The following ATG7 variants were observed in gnomAD, a reference collection of about 807,000 sequenced individuals.
ATG7 encodes autophagy related 7, also known as ubiquitin-like modifier-activating enzyme ATG7.
Under a neutral mutation model 82.4 loss-of-function variants are expected in ATG7, and 70 were observed. The observed-to-expected ratio is 0.85, with a 90% confidence interval of 0.70 to 1.04. The LOEUF is 1.04. Among genes scored for constraint, ATG7 ranks in the 50% least tolerant of loss-of-function variants. The pLI is 0.00. For missense variants in ATG7, 792 were observed against 864.3 expected, an observed-to-expected ratio of 0.92 and a Z score of 1.05; for synonymous variants, 287 against 313.0, an observed-to-expected ratio of 0.92 and a Z score of 0.88.
At chr3:11,286,583 C>CTTT (rs5846700) in intron 3 of ATG7, among the ~76,000 whole-genome samples, 23 of 66,960 alleles carry the variant, frequency 3.4e-4, no homozygotes, top group African/African-American at 1.0e-3. Context: ...TTCTTTCTTT[C>CTTT]TTTTTTTTTT....
At chr3:11,548,593 A>G (rs1029150923) in intron 20 of ATG7, among the ~76,000 whole-genome samples, 1 of 152,250 alleles carries the variant, frequency 6.6e-6, no homozygotes, top group Admixed American at 6.5e-5. Context: ...GCAAAATTAA[A>G]AACCTTTTTT....
At chr3:11,467,728 G>A (rs1056065188) in intron 20 of ATG7, among the ~76,000 whole-genome samples, 5 of 151,966 alleles carry the variant, frequency 3.3e-5, no homozygotes, top group Non-Finnish European at 5.9e-5. Context: ...TCACCGTTTG[G>A]CATTATTATT....
chr3:11,399,729 C>G (rs980480249), intron 19 of ATG7, among the ~76,000 whole-genome samples: 4 of 152,186 alleles, frequency 2.6e-5, no homozygotes, highest in African/African-American at 9.6e-5. Flanking sequence ...CATAAGCCAC[C>G]ATGCCCAGCT....
chr3:11,342,135 G>T lies in ATG7; in HGVS notation c.981G>T (p.Arg327Ser). Reference protein sequence around the residue: ...VNLSECMDPKRLAESSVDLNL... With the variant: ...VNLSECMDPKSLAESSVDLNL... ...AATAAGTAAATCTCTCCTTTTCTAG[G>T]TTAGCTGAGTCATCAGTGGATCTAA... Residue 327 changes from arginine (R) to serine (S), a missense_variant and splice_region_variant, in exon 13 of 21, where the codon AGG (arginine) becomes AGT (serine). Transcript: ENST00000693202. 6.2e-7 allele frequency: 1 copy of T among 1,610,646 alleles called. No homozygotes were observed. The highest frequency in any genetic ancestry group is 2.2e-5 in the East Asian group (1 of 44,718).
intron 19 of ATG7, among the ~76,000 whole-genome samples, chr3:11,383,875 T>C (rs2078113550): frequency 6.8e-6 from 1 of 147,016 alleles, no homozygotes; most frequent in African/African-American, 2.5e-5. Flanking sequence ...GCATAGTTCT[T>C]TTTTTCCTAG....
intron 3 of ATG7, among the ~76,000 whole-genome samples, chr3:11,291,752 A>G (rs1458050355): frequency 6.6e-6 from 1 of 152,230 alleles, no homozygotes; most frequent in Non-Finnish European, 1.5e-5. Flanking sequence ...ATCTGTCACC[A>G]TTGAGAAGGG....
Position 11,556,718 on chromosome 3 carries a change from A to C in ATG7, c.*1875A>C, listed in dbSNP as rs2072453565. 6.5e-6 allele frequency: 1 copy of C among 152,920 alleles called. No homozygotes were observed. The highest frequency in any genetic ancestry group is 2.1e-4 in the South Asian group (1 of 4,832). 9.5% of individuals were successfully genotyped at this position (152,920 alleles called of 1,614,324 possible). On this transcript the variant is annotated 3_prime_UTR_variant, in exon 21 of 21. Transcript: ENST00000693202. ...AATTAATGTTCTTCAAAAAATACCT[A>C]CAAATTTCTCTGTACATTCTTTACG... is the stretch of plus-strand genomic sequence containing the variant.
chr3:11,386,081 A>G (rs1042067887), intron 19 of ATG7, among the ~76,000 whole-genome samples: 3 of 152,268 alleles, frequency 2.0e-5, no homozygotes, highest in African/African-American at 7.2e-5. Flanking sequence ...GGAGGGCAGG[A>G]AGTCAGGGGA....
At chr3:11,565,164 T>G in the ATG7 span, 1 of 847,660 alleles carries the variant, frequency 1.2e-6, no homozygotes, top group Non-Finnish European at 1.6e-6. The surrounding 1 kb of genome is among the most constrained non-coding windows in gnomAD (Gnocchi z 4.1). Flanking sequence ...GAGGAGCCGG[T>G]TGCCAGCCCG....
At chr3:11,345,075 A>C (rs375151805) in intron 13 of ATG7, among the ~76,000 whole-genome samples, 90 of 152,104 alleles carry the variant, frequency 5.9e-4, no homozygotes, top group African/African-American at 2.1e-3. Flanking sequence ...GGTTAGGTAA[A>C]ATTCAGTTAT....
rs114933088 is a variant in ATG7, at chr3:11,471,745, C to T, written c.2079+44819C>T. Among the ~76,000 whole-genome samples, 530 of 105,520 alleles carry T rather than the reference C, an allele frequency of 5.0e-3. 6 individuals are homozygous for T. Among genetic ancestry groups the T allele is most frequent in the African/African-American group, 0.01 (277 of 26,542 alleles). 69.2% of individuals were successfully genotyped at this position (105,520 alleles called of 152,430 possible). A position where few individuals can be genotyped will look rare whatever the true frequency, so the allele number is the denominator to read the frequency against. On this transcript the variant is annotated intron_variant, in intron 20 of 20. Coordinates refer to ENST00000693202, the MANE Select transcript of ATG7 (RefSeq NM_001349232.2). Reference sequence around the variant, plus strand: ...CTTCATAGATTGGCTTTTTAGATTTCTTTTTTTTTTTTTTTTGAAATGTAG... The same window carrying T: ...CTTCATAGATTGGCTTTTTAGATTTTTTTTTTTTTTTTTTTTGAAATGTAG...
At chr3:11,445,386 C>A (rs1399453657) in intron 20 of ATG7, among the ~76,000 whole-genome samples, 1 of 152,076 alleles carries the variant, frequency 6.6e-6, no homozygotes, top group Non-Finnish European at 1.5e-5. Context: ...AAAAGAAGAT[C>A]ATGGATGGAG....
chr3:11,443,810 A>AGC (rs2084237340), intron 20 of ATG7, among the ~76,000 whole-genome samples: 1 of 152,176 alleles, frequency 6.6e-6, no homozygotes, highest in Non-Finnish European at 1.5e-5. Flanking sequence ...TTTCTCTTAT[A>AGC]TTTTAATATT....
intron 1 of ATG7, among the ~76,000 whole-genome samples, chr3:11,275,199 T>C (rs1301356506): frequency 6.6e-6 from 1 of 152,138 alleles, no homozygotes; most frequent in Non-Finnish European, 1.5e-5. Context: ...ATGAATTTGC[T>C]GTGTGGAATT....
chr3:11,392,490 CAAA>C (rs1250421199), intron 19 of ATG7, among the ~76,000 whole-genome samples: 1 of 150,876 alleles, frequency 6.6e-6, no homozygotes, highest in African/African-American at 2.4e-5. Flanking sequence ...CAAAACAAAA[CAAA>C]AAAACAAAAG....
chr3:11,353,071 T>G (rs995320387), intron 14 of ATG7, among the ~76,000 whole-genome samples: 2 of 152,252 alleles, frequency 1.3e-5, no homozygotes, highest in Admixed American at 6.5e-5. Flanking sequence ...TATTGCAAGA[T>G]TCTAATCTCA....
chr3:11,355,726 G>T (rs1323986571), intron 14 of ATG7, among the ~76,000 whole-genome samples: 1 of 152,104 alleles, frequency 6.6e-6, no homozygotes, highest in Non-Finnish European at 1.5e-5. Flanking sequence ...ATGTTGTCAG[G>T]GTGTGGAGCA....
At chr3:11,371,486 G>C (rs2076993931) in intron 18 of ATG7, among the ~76,000 whole-genome samples, 1 of 151,030 alleles carries the variant, frequency 6.6e-6, no homozygotes, top group South Asian at 2.1e-4. Flanking sequence ...GCTGCATGGA[G>C]AATAGACTGG....
At chr3:11,463,810 C>A (rs1465070710) in intron 20 of ATG7, among the ~76,000 whole-genome samples, 1 of 152,196 alleles carries the variant, frequency 6.6e-6, no homozygotes, top group East Asian at 1.9e-4. Context: ...GGACTTCTCA[C>A]ACCCCAAACT....
Sources: gnomAD v4.1 joint callset for allele counts (sites outside exome capture counted in the v4.1 genomes callset) on GRCh38, gnomAD v4.1.1 for gene constraint, Gnocchi (gnomAD v3.1) non-coding constraint, MANE v1.5 for transcripts, NCBI Gene and HGNC (gene_info 2026-07-23, HGNC 2026-07-21) for gene names.